Variants in ATP2B1 observed in about 807,000 individuals in gnomAD.
ATP2B1 encodes plasma membrane calcium-transporting ATPase 1.
Under a neutral mutation model 124.2 loss-of-function variants are expected in ATP2B1, and 14 were observed. That is an observed-to-expected ratio of 0.11 (90% CI 0.07 to 0.18). The LOEUF (loss-of-function observed/expected upper bound fraction) is 0.18. Ranked by LOEUF, ATP2B1 falls within the 10% of genes least tolerant of loss-of-function variation. The pLI, the probability that ATP2B1 is intolerant of heterozygous loss-of-function variation, is 1.00. For synonymous variants in ATP2B1, 449 were observed against 492.4 expected (o/e 0.91, Z 1.17); for missense variants, 763 against 1,466.1 (o/e 0.52, Z 7.83).
chr12:89,613,071 C>G (rs142293324), intron 12 of ATP2B1, among the ~76,000 whole-genome samples: 2 of 151,978 alleles, frequency 1.3e-5, no homozygotes, highest in East Asian at 3.9e-4. Context: ...CCTCTGCCTC[C>G]CAGGCTCAAG....
intron 20 of ATP2B1, among the ~76,000 whole-genome samples, chr12:89,591,658 A>G (rs1873594717): frequency 6.6e-6 from 1 of 152,040 alleles, no homozygotes; most frequent in African/African-American, 2.4e-5. Flanking sequence ...TTTAAATTAA[A>G]AAGAATGTAT....
intron 2 of ATP2B1, among the ~76,000 whole-genome samples, chr12:89,646,466 C>G (rs1286211099): frequency 6.6e-6 from 1 of 152,030 alleles, no homozygotes; most frequent in African/African-American, 2.4e-5. Flanking sequence ...GAAGAAACAG[C>G]CAGTGAGGGA....
chr12:89,686,161 A>C (rs1273312806), intron 1 of ATP2B1, among the ~76,000 whole-genome samples: 2 of 152,112 alleles, frequency 1.3e-5, no homozygotes, highest in Non-Finnish European at 1.5e-5. Flanking sequence ...ATTTTCTAAA[A>C]TTTCCTTCAG....
Position 89,591,106 on chromosome 12 carries a change from G to C in ATP2B1, c.3541C>G (p.Pro1181Ala). The C allele has an allele frequency of 6.2e-7, 1 of 1,613,252 alleles. No individual in the cohort carries two copies. The highest frequency in any genetic ancestry group is 8.5e-7 in the Non-Finnish European group (1 of 1,179,378). Reference protein sequence around the residue: ...APTKRNSSPPPSPNKNNNAVD... With the variant: ...APTKRNSSPPASPNKNNNAVD... The stretch of plus-strand genomic sequence containing the variant: ...GCATTGTTATTTTTGTTGGGAGAGG[G>C]TGGAGGACTGGAGTTACGTTTTGTA... Residue 1181 changes from proline to alanine, a missense_variant, in exon 21 of 21, where the codon CCC becomes GCC. Transcript: ENST00000428670.
intron 2 of ATP2B1, among the ~76,000 whole-genome samples, chr12:89,647,744 A>G (rs1884686765): frequency 6.6e-6 from 1 of 152,220 alleles, no homozygotes; most frequent in African/African-American, 2.4e-5. Flanking sequence ...ATGTGATTAC[A>G]AATGTTGGAG....
At chr12:89,650,955 T>C (rs1175656800) in intron 2 of ATP2B1, among the ~76,000 whole-genome samples, 1 of 152,232 alleles carries the variant, frequency 6.6e-6, no homozygotes. Context: ...TAGGATGTTA[T>C]AAGCAGGTTA....
At chr12:89,687,819 AT>A (rs1467793039) in intron 1 of ATP2B1, among the ~76,000 whole-genome samples, 1 of 152,108 alleles carries the variant, frequency 6.6e-6, no homozygotes, top group African/African-American at 2.4e-5. Context: ...AACAAAATAT[AT>A]TTCATATATT....
intron 1 of ATP2B1, among the ~76,000 whole-genome samples, chr12:89,656,507 T>C (rs1351324667): frequency 6.6e-6 from 1 of 152,174 alleles, no homozygotes; most frequent in Non-Finnish European, 1.5e-5. Flanking sequence ...GAAAGTGAGT[T>C]TTCTGCCCAG....
intron 8 of ATP2B1, among the ~76,000 whole-genome samples, chr12:89,625,081 A>C (rs2897825): frequency 6.6e-6 from 1 of 151,884 alleles, no homozygotes. Flanking sequence ...GAGACCAGCC[A>C]AACATGGTGA....
At chr12:89,702,307 A>T (rs1891946530) in intron 1 of ATP2B1, among the ~76,000 whole-genome samples, 1 of 152,226 alleles carries the variant, frequency 6.6e-6, no homozygotes, top group Non-Finnish European at 1.5e-5. Context: ...AGGCCTTCAG[A>T]GTCAAGTTGT....
At chr12:89,646,207 T>G (rs567941995) in intron 2 of ATP2B1, among the ~76,000 whole-genome samples, 26 of 152,018 alleles carry the variant, frequency 1.7e-4, no homozygotes, top group Non-Finnish European at 2.2e-4. Context: ...AGGGAGGAGT[T>G]AATGGTTCTG....
chr12:89,641,100 A>C (rs1883433998), intron 3 of ATP2B1, among the ~76,000 whole-genome samples: 1 of 152,188 alleles, frequency 6.6e-6, no homozygotes, highest in Admixed American at 6.5e-5. Flanking sequence ...GATACATAAA[A>C]TACTACTGGT....
rs61256358 is a variant in ATP2B1 at position 89,677,954 on chromosome 12, T to TTATATATATATATA, written c.-221-21861_-221-21848dup. ...TCAGGGGGTTGGGGGCATGCAGGAATTATATATATATATATATACACACAC... is the reference window on the plus strand; with the variant it reads ...TCAGGGGGTTGGGGGCATGCAGGAATTATATATATATATATATATATATATATATATACACACAC... On this transcript the variant is annotated intron_variant, in intron 1 of 20. Transcript: ENST00000428670. Among the ~76,000 whole-genome samples, 104 of 68,694 alleles carry TTATATATATATATA rather than the reference T, an allele frequency of 1.5e-3. 1 individual carries two copies. Among genetic ancestry groups the TTATATATATATATA allele is most frequent in the African/African-American group, 6.1e-3 (95 of 15,666 alleles). The allele number at this position is 68,694 out of a possible 152,430, so 45.1% of individuals were successfully genotyped here.
chr12:89,658,645 G>GAA (rs1490840837), intron 1 of ATP2B1, among the ~76,000 whole-genome samples: 1 of 137,986 alleles, frequency 7.2e-6, no homozygotes, highest in East Asian at 2.0e-4. Flanking sequence ...GAGAGAGAGA[G>GAA]AGATAGAGAT....
intron 2 of ATP2B1, among the ~76,000 whole-genome samples, chr12:89,652,234 C>A (rs1565873896): frequency 6.6e-6 from 1 of 152,180 alleles, no homozygotes; most frequent in Non-Finnish European, 1.5e-5. Context: ...ATAAATACTA[C>A]AAAATTTCAG....
intron 15 of ATP2B1, among the ~76,000 whole-genome samples, chr12:89,605,441 C>A (rs553790613): frequency 6.6e-6 from 1 of 152,064 alleles, no homozygotes. Context: ...GTGAGTTTGA[C>A]CCCCTCTTGC....
chr12:89,655,028 T>G (rs1188019108), intron 2 of ATP2B1, among the ~76,000 whole-genome samples: 1 of 152,202 alleles, frequency 6.6e-6, no homozygotes, highest in Non-Finnish European at 1.5e-5. Context: ...TGCCAGAAAG[T>G]TATAATGAAT....
chr12:89,687,198 G>A (rs922471565), intron 1 of ATP2B1, among the ~76,000 whole-genome samples: 4 of 152,076 alleles, frequency 2.6e-5, no homozygotes, highest in Non-Finnish European at 5.9e-5. Flanking sequence ...CCACAGATTT[G>A]ATAATGGTCC....
chr12:89,689,700 C>T (rs1890342695), intron 1 of ATP2B1, among the ~76,000 whole-genome samples: 1 of 152,088 alleles, frequency 6.6e-6, no homozygotes, highest in Non-Finnish European at 1.5e-5. Context: ...TGTAGACTTC[C>T]ATTTGTCTAT....
Sources: allele counts gnomAD v4.1 joint callset (sites outside exome capture counted in the v4.1 genomes callset), GRCh38; gene constraint gnomAD v4.1.1; transcripts MANE v1.5; gene names NCBI Gene and HGNC (gene_info 2026-07-23, HGNC 2026-07-21).